ITPR2: variants seen among roughly 807,000 people sequenced by gnomAD.
ITPR2 encodes inositol 1,4,5-trisphosphate-gated calcium channel ITPR2.
In ITPR2, 207 loss-of-function variants were observed where a neutral mutation model predicts 317.1. The observed-to-expected ratio is 0.65, with a 90% CI of 0.58 to 0.73. The LOEUF is 0.73. Among genes scored for constraint, ITPR2 ranks in the 30% least tolerant of loss-of-function variants. ITPR2 has a pLI of 0.00. For missense variants in ITPR2, 2,613 were observed against 3,284.0 expected (o/e 0.80, Z 4.99); for synonymous variants, 1,156 against 1,149.1 (o/e 1.01, Z -0.12).
chr12:26,733,313 CA>C (rs1200350846), intron 2 of ITPR2, among the ~76,000 whole-genome samples: 1,533 of 49,572 alleles, frequency 0.031, 27 homozygotes, highest in African/African-American at 0.091. Context: ...GACTCCATCT[CA>C]AAAAAAAAAA....
At chr12:26,639,502 G>T (rs1273908727) in intron 21 of ITPR2, among the ~76,000 whole-genome samples, 1 of 151,324 alleles carries the variant, frequency 6.6e-6, no homozygotes. Context: ...TAAGTTTTAG[G>T]GTACATGTGC....
intron 4 of ITPR2, among the ~76,000 whole-genome samples, chr12:26,723,395 T>C (rs561737689): frequency 2.6e-5 from 4 of 152,260 alleles, no homozygotes; most frequent in Admixed American, 2.0e-4. Flanking sequence ...GGATCCACCA[T>C]GTTCAAGAAC....
At chr12:26,671,811 C>G (rs1279619292) in intron 13 of ITPR2, among the ~76,000 whole-genome samples, 1 of 152,126 alleles carries the variant, frequency 6.6e-6, no homozygotes, top group Admixed American at 6.5e-5. Context: ...ACCTATCTCA[C>G]GTGCAGAGAC....
intron 45 of ITPR2, among the ~76,000 whole-genome samples, chr12:26,455,951 C>T (rs954803365): frequency 2.6e-5 from 4 of 152,158 alleles, no homozygotes; most frequent in South Asian, 2.1e-4. Context: ...TAAAGACCCA[C>T]TTCTCTTATT....
At chr12:26,812,347 G>A (rs1950767981) in intron 1 of ITPR2, among the ~76,000 whole-genome samples, 1 of 152,070 alleles carries the variant, frequency 6.6e-6, no homozygotes, top group African/African-American at 2.4e-5. Context: ...GGGAGGCCGA[G>A]GTGGGCAGAT....
At chr12:26,793,526 T>C (rs1325430059) in intron 1 of ITPR2, among the ~76,000 whole-genome samples, 1 of 152,166 alleles carries the variant, frequency 6.6e-6, no homozygotes, top group Non-Finnish European at 1.5e-5. Flanking sequence ...CCTCTACCAA[T>C]AGACTGTATC....
intron 55 of ITPR2, among the ~76,000 whole-genome samples, chr12:26,366,093 GT>G (rs1939000250): frequency 2.0e-5 from 3 of 151,982 alleles, no homozygotes; most frequent in African/African-American, 7.2e-5. Flanking sequence ...TCCTACATCG[GT>G]TGGTCTTTTC....
chr12:26,806,074 C>T (rs996053379), intron 1 of ITPR2, among the ~76,000 whole-genome samples: 4 of 152,238 alleles, frequency 2.6e-5, no homozygotes, highest in African/African-American at 9.6e-5. Flanking sequence ...AAGTGAGGGT[C>T]CATAAATATG....
intron 49 of ITPR2, among the ~76,000 whole-genome samples, chr12:26,420,470 C>G (rs1940855032): frequency 6.6e-6 from 1 of 152,058 alleles, no homozygotes; most frequent in Non-Finnish European, 1.5e-5. Context: ...AAACCTTTTC[C>G]TTTCAATTTC....
intron 1 of ITPR2, among the ~76,000 whole-genome samples, chr12:26,821,679 C>T (rs1950941205): frequency 6.6e-6 from 1 of 152,190 alleles, no homozygotes. Context: ...AAACTTCATC[C>T]ATGTGGGCAA....
chr12:26,825,826 T>C (rs1361457037), intron 1 of ITPR2, among the ~76,000 whole-genome samples: 1 of 152,240 alleles, frequency 6.6e-6, no homozygotes, highest in Non-Finnish European at 1.5e-5. Flanking sequence ...ATCACACTTC[T>C]AACACTTAGA....
At position 26,679,684 on chromosome 12, in the gene ITPR2, A is replaced by C. The variant is rs182544468; in HGVS notation, c.1409+2190T>G. On this transcript the variant is annotated intron_variant, in intron 13 of 56. Transcript: ENST00000381340. ...TTTGTTGTGTCTAGTTTTCTTTTTTATTTTTATTTTTTTGTATTTCAAAAT... is the reference window on the plus strand; with the variant it reads ...TTTGTTGTGTCTAGTTTTCTTTTTTCTTTTTATTTTTTTGTATTTCAAAAT... Among the ~76,000 whole-genome samples, 26 of 152,060 alleles carry C rather than the reference A, an allele frequency of 1.7e-4. No individual in the cohort carries two copies. The East Asian group carries it at 3.3e-3, about 19-fold the overall frequency.
chr12:26,407,809 A>G (rs1446820949), intron 52 of ITPR2, among the ~76,000 whole-genome samples: 3 of 152,218 alleles, frequency 2.0e-5, no homozygotes, highest in Non-Finnish European at 4.4e-5. Flanking sequence ...ATGTAAGGAT[A>G]ACTAGTAGTA....
At chr12:26,485,081 T>C (rs1374884463) in intron 41 of ITPR2, among the ~76,000 whole-genome samples, 1 of 148,906 alleles carries the variant, frequency 6.7e-6, no homozygotes, top group Admixed American at 6.6e-5. Context: ...TATGCATGCA[T>C]AAAAATTTCT....
At chr12:26,664,706 AAACAAAAAT>A (rs1335103686) in intron 14 of ITPR2, among the ~76,000 whole-genome samples, 16 of 145,554 alleles carry the variant, frequency 1.1e-4, no homozygotes, top group East Asian at 7.8e-4. Flanking sequence ...TATATTTATC[AAACAAAAAT>A]AAAATATTTG....
At chr12:26,642,702 C>T (rs944593810) in intron 21 of ITPR2, among the ~76,000 whole-genome samples, 1 of 152,222 alleles carries the variant, frequency 6.6e-6, no homozygotes, top group African/African-American at 2.4e-5. Context: ...ATGACAATGG[C>T]ACAGAAATGT....
intron 37 of ITPR2, among the ~76,000 whole-genome samples, chr12:26,543,310 T>G (rs7962669): frequency 0.58 from 88,689 of 151,854 alleles, 29,072 homozygotes; most frequent in Non-Finnish European, 0.76. Context: ...GCACAGTACT[T>G]TAATAAAGCT....
chr12:26,538,847 T>C (rs1202220224), intron 37 of ITPR2, among the ~76,000 whole-genome samples: 1 of 152,190 alleles, frequency 6.6e-6, no homozygotes, highest in Admixed American at 6.5e-5. Flanking sequence ...AGTGCTAGGA[T>C]TACAGGCGTG....
intron 45 of ITPR2, among the ~76,000 whole-genome samples, chr12:26,456,780 C>T (rs539946875): frequency 2.8e-4 from 43 of 152,298 alleles, no homozygotes; most frequent in Middle Eastern, 3.4e-3. Context: ...TCAAGCGATT[C>T]TCTTGCCTCA....
Sources: allele counts gnomAD v4.1 joint callset (sites outside exome capture counted in the v4.1 genomes callset), GRCh38; gene constraint gnomAD v4.1.1; transcripts MANE v1.5; gene names NCBI Gene and HGNC (gene_info 2026-07-23, HGNC 2026-07-21).